Variants in GOLGA7B observed in about 807,000 individuals in gnomAD.
The protein encoded by GOLGA7B is golgin subfamily A member 7B.
In GOLGA7B, 17 loss-of-function variants were observed where a neutral mutation model predicts 21.5. The observed-to-expected ratio is 0.79, with a 90% CI of 0.54 to 1.19. The LOEUF (loss-of-function observed/expected upper bound fraction) is 1.19. Among genes scored for constraint, GOLGA7B ranks in the 50% most tolerant of loss-of-function variants. The pLI, the probability that GOLGA7B is intolerant of heterozygous loss-of-function variation, is 0.00. For missense variants in GOLGA7B, 169 were observed against 224.4 expected, an observed-to-expected ratio of 0.75 and a Z score of 1.58; for synonymous variants, 87 against 84.0, an observed-to-expected ratio of 1.04 and a Z score of -0.19.
At chr10:97,851,926 C>T (rs962272770) in intron 1 of GOLGA7B, among the ~76,000 whole-genome samples, 5 of 152,330 alleles carry the variant, frequency 3.3e-5, no homozygotes, top group East Asian at 1.9e-4. Flanking sequence ...GAAAATATTG[C>T]GCTTTCCTGT....
intron 1 of GOLGA7B, among the ~76,000 whole-genome samples, chr10:97,854,994 C>T (rs1390752878): frequency 6.6e-6 from 1 of 152,138 alleles, no homozygotes; most frequent in Non-Finnish European, 1.5e-5. Flanking sequence ...ATGAATCAAG[C>T]CTACACATGG....
At chr10:97,858,880 C>G (rs2049953065) in intron 1 of GOLGA7B, among the ~76,000 whole-genome samples, 1 of 152,236 alleles carries the variant, frequency 6.6e-6, no homozygotes, top group Non-Finnish European at 1.5e-5. Flanking sequence ...GTGAGCTCCA[C>G]TTGGCAGGAC....
rs564185399 is a variant in GOLGA7B at position 97,869,529 on chromosome 10, C to T, written c.*3829C>T. Reference sequence around the variant, plus strand: ...TCAGGAAGCTCCTGCTGCACATGCTCCTCTCCCTGCGCCAGCACCCTGCTG... The same window carrying T: ...TCAGGAAGCTCCTGCTGCACATGCTTCTCTCCCTGCGCCAGCACCCTGCTG... On this transcript the variant is annotated 3_prime_UTR_variant, in exon 5 of 5. Coordinates refer to ENST00000370602, the MANE Select transcript of GOLGA7B (RefSeq NM_001010917.3). 4.6e-5 allele frequency: 7 copies of T among 152,698 alleles called. No homozygotes were observed. Among genetic ancestry groups the T allele is most frequent in the African/African-American group, 1.7e-4 (7 of 41,608 alleles). 9.5% of individuals were successfully genotyped at this position (152,698 alleles called of 1,614,324 possible).
At chr10:97,855,540 T>A (rs1397415043) in intron 1 of GOLGA7B, among the ~76,000 whole-genome samples, 1 of 152,102 alleles carries the variant, frequency 6.6e-6, no homozygotes, top group Non-Finnish European at 1.5e-5. Context: ...AAGAGAATCA[T>A]CCCTCCAACT....
intron 1 of GOLGA7B, among the ~76,000 whole-genome samples, chr10:97,856,834 T>C (rs1225860366): frequency 1.3e-5 from 2 of 152,228 alleles, no homozygotes; most frequent in African/African-American, 2.4e-5. Flanking sequence ...TGCTTATTGA[T>C]GTTGATCATT....
intron 1 of GOLGA7B, 119 bp downstream of exon 1, chr10:97,850,434 G>T: frequency 1.2e-6 from 1 of 839,914 alleles, no homozygotes. Flanking sequence ...TGATTCCCCA[G>T]GTCAGGTCTG....
In GOLGA7B at chr10:97,867,226, A is replaced by T. The variant is rs1355113660; in HGVS notation, c.*1526A>T. The stretch of plus-strand genomic sequence containing the variant: ...GCCAGCAGCCTGCAGGGGAAAGGCA[A>T]ACTCCCTCCTTGCAAGGAAAGGAGA... On this transcript the variant is annotated 3_prime_UTR_variant, in exon 5 of 5. Coordinates refer to ENST00000370602, the MANE Select transcript of GOLGA7B (RefSeq NM_001010917.3). 6.6e-6 allele frequency: 1 copy of T among 152,270 alleles called. No individual in the cohort carries two copies. The highest frequency in any genetic ancestry group is 1.5e-5 in the Non-Finnish European group (1 of 68,116). 9.4% of individuals were successfully genotyped at this position (152,270 alleles called of 1,614,324 possible).
intron 1 of GOLGA7B, among the ~76,000 whole-genome samples, chr10:97,852,626 G>T (rs187834596): frequency 2.4e-4 from 37 of 151,130 alleles, no homozygotes; most frequent in African/African-American, 8.5e-4. Flanking sequence ...AAGTTCCCAT[G>T]ATTATTCTGT....
Position 97,854,023 on chromosome 10 carries a change from T to C in GOLGA7B, c.12+3708T>C, listed in dbSNP as rs139625470. 3.3e-3 allele frequency among the ~76,000 whole-genome samples: 506 copies of C among 152,330 alleles called. 4 individuals are homozygous for C. The highest frequency in any genetic ancestry group is 0.01 in the African/African-American group (435 of 41,584). On this transcript the variant is annotated intron_variant, in intron 1 of 4. Coordinates refer to ENST00000370602, the MANE Select transcript of GOLGA7B (RefSeq NM_001010917.3). ...AATATTCAAAAATCAGAATATTTGA[T>C]GTTAAAAAGATCTAGATTTCTGGCT...
intron 1 of GOLGA7B, among the ~76,000 whole-genome samples, chr10:97,852,559 T>C (rs1303327782): frequency 6.6e-6 from 1 of 152,126 alleles, no homozygotes; most frequent in African/African-American, 2.4e-5. Flanking sequence ...TTTTTACTGT[T>C]AGAATTGAGT....
chr10:97,858,423 C>G (rs1314135150), intron 1 of GOLGA7B, among the ~76,000 whole-genome samples: 1 of 152,138 alleles, frequency 6.6e-6, no homozygotes, highest in Non-Finnish European at 1.5e-5. Flanking sequence ...TTCACTCTGC[C>G]TTTGGGGCTT....
At chr10:97,860,712 A>G (rs552295303) in intron 2 of GOLGA7B, among the ~76,000 whole-genome samples, 4 of 152,346 alleles carry the variant, frequency 2.6e-5, no homozygotes, top group Admixed American at 1.3e-4. Context: ...ATCAGAATCA[A>G]GTGGTTCATA....
intron 2 of GOLGA7B, among the ~76,000 whole-genome samples, chr10:97,862,557 G>A (rs2049977566): frequency 6.6e-6 from 1 of 152,176 alleles, no homozygotes; most frequent in Admixed American, 6.5e-5. Context: ...TTAAGTGGAA[G>A]TGGATCATCA....
At chr10:97,862,595 T>C (rs1487728426) in intron 2 of GOLGA7B, among the ~76,000 whole-genome samples, 1 of 152,160 alleles carries the variant, frequency 6.6e-6, no homozygotes, top group Non-Finnish European at 1.5e-5. Flanking sequence ...GTCATCTTCA[T>C]GTTGGGTAGG....
Position 97,864,086 on chromosome 10 carries a change from G to GC in GOLGA7B, c.291+8dup, listed in dbSNP as rs2049990911. 1 of 1,613,692 alleles carries GC rather than the reference G, an allele frequency of 6.2e-7. No individual in the cohort carries two copies. Among genetic ancestry groups the GC allele is most frequent in the Non-Finnish European group, 8.5e-7 (1 of 1,179,798 alleles). On this transcript the variant is annotated splice_donor_region_variant and intron_variant, in intron 3 of 4. Coordinates refer to ENST00000370602, the MANE Select transcript of GOLGA7B (RefSeq NM_001010917.3). ...CATGGAGACCCACTATGAGAAGGTG[G>GC]CCCCTCCCGCCCCACCGTGCATCCC...
At chr10:97,862,043 A>G (rs1038135307) in intron 2 of GOLGA7B, among the ~76,000 whole-genome samples, 1 of 152,202 alleles carries the variant, frequency 6.6e-6, no homozygotes, top group Admixed American at 6.5e-5. Flanking sequence ...ACTGTGAAGA[A>G]TGTGAAAAAT....
intron 2 of GOLGA7B, among the ~76,000 whole-genome samples, chr10:97,860,368 C>CTT (rs58130896): frequency 5.3e-5 from 8 of 150,330 alleles, no homozygotes; most frequent in Admixed American, 4.0e-4. Context: ...AATACTAGGT[C>CTT]TTTTTTTTTT....
At chr10:97,851,065 C>T (rs1211801659) in intron 1 of GOLGA7B, among the ~76,000 whole-genome samples, 1 of 152,108 alleles carries the variant, frequency 6.6e-6, no homozygotes, top group African/African-American at 2.4e-5. Context: ...GCCCTTTCCC[C>T]CCTCATTTCA....
intron 1 of GOLGA7B, among the ~76,000 whole-genome samples, chr10:97,856,280 T>C (rs1472219829): frequency 6.6e-6 from 1 of 152,198 alleles, no homozygotes; most frequent in East Asian, 1.9e-4. Context: ...CATATCCATG[T>C]GTACCTCTTG....
Sources: allele counts gnomAD v4.1 joint callset (sites outside exome capture counted in the v4.1 genomes callset), GRCh38; gene constraint gnomAD v4.1.1; transcripts MANE v1.5; gene names NCBI Gene and HGNC (gene_info 2026-07-23, HGNC 2026-07-21).